The following ZNG1A variants were observed in gnomAD, a reference collection of about 807,000 sequenced individuals.
The protein encoded by ZNG1A is Zn regulated GTPase metalloprotein activator 1A, also known as zinc-regulated GTPase metalloprotein activator 1A.
the ZNG1A span, chr9:149,143 T>C: frequency 2.0e-5 from 3 of 151,464 alleles, no homozygotes; most frequent in East Asian, 3.9e-4. Context: ...ACCCGACCTG[T>C]TGCTCCTCCT....
At chr9:152,593 T>G in the ZNG1A span, among the ~76,000 whole-genome samples, 1 of 151,626 alleles carries the variant, frequency 6.6e-6, no homozygotes, top group African/African-American at 2.4e-5. Context: ...CTTTATAGAA[T>G]AACCTCGTCA....
chr9:171,657 C>G, the ZNG1A span: 8,910 of 209,636 alleles, frequency 0.043, 362 homozygotes, highest in African/African-American at 0.13. Context: ...ATGTGCATAG[C>G]TTATAGGCAA....
chr9:145,867 T>A, the ZNG1A span, among the ~76,000 whole-genome samples: 3 of 151,818 alleles, frequency 2.0e-5, no homozygotes, highest in African/African-American at 7.3e-5. Flanking sequence ...GTGTTAACGA[T>A]TAGCCTCTAA....
chr9:159,344 A>G, the ZNG1A span, among the ~76,000 whole-genome samples: 7,673 of 146,910 alleles, frequency 0.052, 182 homozygotes, highest in African/African-American at 0.094. Flanking sequence ...TACAAGATGC[A>G]TAAGTCATGG....
At chr9:147,972 C>G in the ZNG1A span, 1 of 151,326 alleles carries the variant, frequency 6.6e-6, no homozygotes, top group Non-Finnish European at 1.5e-5. Context: ...TTTCAGTGAG[C>G]CGAGGTCGCA....
the ZNG1A span, chr9:121,433 T>C: frequency 6.5e-7 from 1 of 1,549,018 alleles, no homozygotes; most frequent in East Asian, 2.2e-5. Context: ...TTATTTTTAT[T>C]ATCCAATCCT....
chr9:177,681 C>T, the ZNG1A span: 2 of 1,274,040 alleles, frequency 1.6e-6, no homozygotes, highest in Non-Finnish European at 2.2e-6. Flanking sequence ...AATTCTCACT[C>T]CTGAGCTTCA....
the ZNG1A span, chr9:147,042 G>C: frequency 2.6e-5 from 4 of 151,250 alleles, no homozygotes; most frequent in Non-Finnish European, 4.4e-5. Context: ...GCTGGGTGTG[G>C]TGGCACGCAC....
the ZNG1A span, among the ~76,000 whole-genome samples, chr9:168,600 T>C: frequency 6.7e-6 from 1 of 149,758 alleles, no homozygotes; most frequent in African/African-American, 2.5e-5. Flanking sequence ...TGGAAGAAGA[T>C]GCCATTTAGG....
chr9:138,476 T>G, the ZNG1A span, among the ~76,000 whole-genome samples: 1 of 142,512 alleles, frequency 7.0e-6, no homozygotes, highest in Non-Finnish European at 1.5e-5. Flanking sequence ...CACTATCATG[T>G]CCTACCTCAC....
At chr9:145,408 T>C in the ZNG1A span, among the ~76,000 whole-genome samples, 1 of 150,952 alleles carries the variant, frequency 6.6e-6, no homozygotes, top group Non-Finnish European at 1.5e-5. Flanking sequence ...GGGACATGGA[T>C]GAAATTGCAA....
chr9:177,099 TA>T, the ZNG1A span, among the ~76,000 whole-genome samples: 15 of 152,016 alleles, frequency 9.9e-5, no homozygotes, highest in East Asian at 2.9e-3. Context: ...GGAGTCACAG[TA>T]AAAAAGTACC....
the ZNG1A span, among the ~76,000 whole-genome samples, chr9:135,201 A>AT: frequency 6.6e-6 from 1 of 150,908 alleles, no homozygotes; most frequent in African/African-American, 2.5e-5. Flanking sequence ...AAGCTGGCAG[A>AT]TTAAGTTTTT....
chr9:155,891 G>C, the ZNG1A span, among the ~76,000 whole-genome samples: 1 of 143,508 alleles, frequency 7.0e-6, no homozygotes, highest in Non-Finnish European at 1.5e-5. Flanking sequence ...GATCGAGCTG[G>C]TCTCAGGAGC....
chr9:128,734 G>T, the ZNG1A span, among the ~76,000 whole-genome samples: 1 of 150,124 alleles, frequency 6.7e-6, no homozygotes, highest in African/African-American at 2.5e-5. Flanking sequence ...GGGATTTTTT[G>T]GGGGGTGTTA....
At chr9:148,939 T>A in the ZNG1A span, 5 of 149,268 alleles carry the variant, frequency 3.3e-5, no homozygotes, top group African/African-American at 1.3e-4. Flanking sequence ...AATCCAAGTA[T>A]CCAGTATCTA....
chr9:158,461 A>G, the ZNG1A span, among the ~76,000 whole-genome samples: 1 of 150,900 alleles, frequency 6.6e-6, no homozygotes, highest in Non-Finnish European at 1.5e-5. Context: ...AGCTTTTTTA[A>G]CGTATGAAAT....
the ZNG1A span, chr9:171,510 G>A: frequency 2.0e-5 from 3 of 153,082 alleles, no homozygotes; most frequent in Admixed American, 6.5e-5. Flanking sequence ...GGTTGACTCT[G>A]TGTAGCTTTC....
At chr9:145,711 A>C in the ZNG1A span, among the ~76,000 whole-genome samples, 1 of 151,664 alleles carries the variant, frequency 6.6e-6, no homozygotes, top group Non-Finnish European at 1.5e-5. Context: ...TAAATAAATA[A>C]ATTTTAAAAA....
Sources: allele counts gnomAD v4.1 joint callset (sites outside exome capture counted in the v4.1 genomes callset), GRCh38; gene constraint gnomAD v4.1.1; transcripts MANE v1.5; gene names NCBI Gene and HGNC (gene_info 2026-07-23, HGNC 2026-07-21).